The following CCDC42 variants were observed in gnomAD, a reference collection of about 807,000 sequenced individuals.
CCDC42 encodes the protein coiled-coil domain containing 42, also known as coiled-coil domain-containing protein 42.
Under a neutral mutation model 40.8 loss-of-function variants are expected in CCDC42, and 38 were observed. The ratio of observed to expected loss-of-function variants is 0.93; its 90% CI spans 0.72 to 1.22. The LOEUF (loss-of-function observed/expected upper bound fraction) is 1.22. Ranked by LOEUF, CCDC42 falls within the 50% of genes most tolerant of loss-of-function variation. The probability of loss-of-function intolerance (pLI) is 0.00; values close to 1 mark genes in which losing one functional copy is unlikely to be tolerated. For synonymous variants in CCDC42, 135 were observed against 157.5 expected, an observed-to-expected ratio of 0.86 and a Z score of 1.07; for missense variants, 379 against 416.5, an observed-to-expected ratio of 0.91 and a Z score of 0.78.
At chr17:8,742,382 T>C (rs2086650778) in intron 3 of CCDC42, among the ~76,000 whole-genome samples, 1 of 152,078 alleles carries the variant, frequency 6.6e-6, no homozygotes. Flanking sequence ...AGCATGCTCC[T>C]AGGAGCTCAG....
At chr17:8,739,965 A>C (rs919745794) in intron 4 of CCDC42, among the ~76,000 whole-genome samples, 1 of 152,172 alleles carries the variant, frequency 6.6e-6, no homozygotes, top group Non-Finnish European at 1.5e-5. Flanking sequence ...TGAGTGGAGG[A>C]AATAATGCAG....
rs370756344 is a variant in CCDC42, at chr17:8,735,050, C to T, written c.873+46G>A. ...CCACCCAACCAACTGGCAACCTCCT[C>T]GGCCCAGCCGACCCCACGGGCCCAG... On this transcript the variant is annotated intron_variant, in intron 6 of 6. Coordinates refer to ENST00000293845, the MANE Select transcript of CCDC42 (RefSeq NM_144681.3). The surrounding 1 kb of genome is among the most constrained non-coding windows in gnomAD (Gnocchi z 4.7). The T allele has an allele frequency of 2.3e-4, 364 of 1,607,322 alleles. No individual in the cohort carries two copies. The highest frequency in any genetic ancestry group is 2.8e-4 in the Non-Finnish European group (333 of 1,175,546).
intron 6 of CCDC42, among the ~76,000 whole-genome samples, chr17:8,733,622 C>T (rs941845387): frequency 1.5e-4 from 23 of 152,226 alleles, no homozygotes; most frequent in African/African-American, 5.5e-4. Flanking sequence ...TCCCGAGTAG[C>T]TGGGATTACA....
At chr17:8,731,499 C>G (rs1279499509) in intron 6 of CCDC42, among the ~76,000 whole-genome samples, 1 of 152,186 alleles carries the variant, frequency 6.6e-6, no homozygotes, top group African/African-American at 2.4e-5. Context: ...GAGAATCAAC[C>G]TAAATGCCCA....
Position 8,744,619 on chromosome 17 carries a change from G to A in CCDC42, c.-10C>T, listed in dbSNP as rs752469141. 6.2e-7 allele frequency: 1 copy of A among 1,603,510 alleles called. No individual in the cohort carries two copies. Among genetic ancestry groups the A allele is most frequent in the Non-Finnish European group, 8.5e-7 (1 of 1,172,716 alleles). ...TGATGCCCAGACTCATGGTGGCAGT[G>A]ACCTCACGGCCCAGGCAGCTGACTC... is the stretch of plus-strand genomic sequence containing the variant. On this transcript the variant is annotated 5_prime_UTR_variant, in exon 1 of 7. Coordinates refer to ENST00000293845, the MANE Select transcript of CCDC42 (RefSeq NM_144681.3).
At chr17:8,742,436 G>A (rs1266989084) in intron 3 of CCDC42, among the ~76,000 whole-genome samples, 1 of 152,166 alleles carries the variant, frequency 6.6e-6, no homozygotes, top group Non-Finnish European at 1.5e-5. Context: ...GCAGTTCAAT[G>A]CCCAGAGGAC....
rs2086646486 is a variant in CCDC42, at chr17:8,741,669, C to T, written c.297G>A (p.Glu99=). The stretch of plus-strand genomic sequence containing the variant: ...TGGCGCGGATCCGTTTCTGGTCGTT[C>T]TCCTGGGGCCCGGGGAGGTGGCGCT... The part of the protein sequence containing the change: ...HIQKSEQFIQ[E]NDQKRIRAMK... The change falls in exon 4 of 7, where the codon GAG becomes GAA. Residue 99 remains glutamate (E), a splice_region_variant and synonymous_variant. Transcript: ENST00000293845. The T allele has an allele frequency of 6.2e-7, 1 of 1,612,206 alleles. No individual in the cohort carries two copies. The highest frequency in any genetic ancestry group is 1.1e-5 in the South Asian group (1 of 90,990).
chr17:8,740,188 G>A (rs1175417689), intron 4 of CCDC42, among the ~76,000 whole-genome samples: 1 of 152,064 alleles, frequency 6.6e-6, no homozygotes, highest in Non-Finnish European at 1.5e-5. Flanking sequence ...TCCATGGGAG[G>A]CCCTGGACAT....
rs914777635 is a variant in CCDC42 at position 8,729,975 on chromosome 17, G to T, written c.*155C>A. 2.8e-5 allele frequency: 19 copies of T among 667,162 alleles called. No individual in the cohort carries two copies. Among genetic ancestry groups the T allele is most frequent in the Non-Finnish European group, 5.1e-5 (19 of 371,426 alleles). The allele number at this position is 667,162 out of a possible 1,614,324, so 41.3% of individuals were successfully genotyped here. On this transcript the variant is annotated 3_prime_UTR_variant, in exon 7 of 7. Transcript: ENST00000293845. ...TTCATATAACATTCACTGTTTTCAG[G>T]GATAGAGTGAGGCCCACGGGGGAAA...
intron 1 of CCDC42, 56 bp from the exon 2 acceptor site, chr17:8,744,240 G>A (rs1226491188): frequency 7.3e-7 from 1 of 1,366,458 alleles, no homozygotes; most frequent in East Asian, 2.3e-5. Flanking sequence ...GTAGGCTGGG[G>A]CTGGGAGTAA....
intron 6 of CCDC42, 128 bp from the exon 7 acceptor site, chr17:8,730,335 ATTT>A (rs2086572626): frequency 1.8e-5 from 11 of 607,144 alleles, no homozygotes; most frequent in Non-Finnish European, 3.1e-5. Context: ...TTCTTTTTAA[ATTT>A]TTATTTATTT....
intron 1 of CCDC42, 94 bp from the exon 2 acceptor site, chr17:8,744,278 G>A (rs761301499): frequency 7.5e-6 from 7 of 936,650 alleles, no homozygotes; most frequent in Non-Finnish European, 1.2e-5. Context: ...CCATGGGGAA[G>A]CAGAGGGGCC....
chr17:8,736,972 G>A (rs373300342), intron 4 of CCDC42, among the ~76,000 whole-genome samples: 10 of 130,240 alleles, frequency 7.7e-5, no homozygotes, highest in African/African-American at 2.9e-4. Flanking sequence ...AGAAGAAGAA[G>A]AAGAAAGAGA....
Position 8,735,998 on chromosome 17 carries a change from G to C in CCDC42, c.493-387C>G, listed in dbSNP as rs1196726376. Among the ~76,000 whole-genome samples the C allele has an allele frequency of 3.3e-5, 5 of 152,140 alleles. No homozygotes were observed. The highest frequency in any genetic ancestry group is 6.5e-5 in the Admixed American group (1 of 15,288). ...TGCAAAAGGTCCCCTGGTGGCTCTAGGCACAGCCAGGGTTGATAATCGCTG... is the reference window on the plus strand; with the variant it reads ...TGCAAAAGGTCCCCTGGTGGCTCTACGCACAGCCAGGGTTGATAATCGCTG... On this transcript the variant is annotated intron_variant, in intron 4 of 6. Transcript: ENST00000293845. This position sits in a 1 kb window ranked among gnomAD's most constrained non-coding sequence, Gnocchi z 4.7.
At chr17:8,734,100 A>T (rs775584092) in intron 6 of CCDC42, among the ~76,000 whole-genome samples, 9 of 152,196 alleles carry the variant, frequency 5.9e-5, no homozygotes, top group Non-Finnish European at 8.8e-5. Context: ...CATTAAAGGG[A>T]TCTGCAAGTG....
chr17:8,742,896 C>T (rs1260698893), intron 3 of CCDC42, among the ~76,000 whole-genome samples: 2 of 152,246 alleles, frequency 1.3e-5, no homozygotes, highest in African/African-American at 4.8e-5. Flanking sequence ...TCTGCCCCAA[C>T]CACTCCATAA....
At position 8,735,068 on chromosome 17, in the gene CCDC42, G is replaced by C. The variant is rs367907162; in HGVS notation, c.873+28C>G. 30 of 1,612,180 alleles carry C rather than the reference G, an allele frequency of 1.9e-5. No homozygotes were observed. In the African/African-American group the frequency reaches 4.0e-4, roughly 22 times the overall value. On this transcript the variant is annotated intron_variant, in intron 6 of 6. Coordinates refer to ENST00000293845, the MANE Select transcript of CCDC42 (RefSeq NM_144681.3). This position sits in a 1 kb window ranked among gnomAD's most constrained non-coding sequence, Gnocchi z 4.7. Reference sequence around the variant, plus strand: ...ACCTCCTCGGCCCAGCCGACCCCACGGGCCCAGTGCCTGTCCCCTCCTCCT... The same window carrying C: ...ACCTCCTCGGCCCAGCCGACCCCACCGGCCCAGTGCCTGTCCCCTCCTCCT...
rs2086668023 is a variant in CCDC42 at position 8,744,705 on chromosome 17, T to A, written c.-96A>T. The A allele has an allele frequency of 1.6e-5, 13 of 821,360 alleles. No individual in the cohort carries two copies. Among genetic ancestry groups the A allele is most frequent in the Non-Finnish European group, 2.7e-5 (13 of 482,780 alleles). The allele number at this position is 821,360 out of a possible 1,614,324, so 50.9% of individuals were successfully genotyped here. A position where few individuals can be genotyped will look rare whatever the true frequency, so the allele number is the denominator to read the frequency against. ...GGCTCAGGGGTGGTGGCTGCACTCT[T>A]GTTTCTCCCTTCGGCCTACAGGGTC... is the stretch of plus-strand genomic sequence containing the variant. On this transcript the variant is annotated 5_prime_UTR_variant, in exon 1 of 7. Transcript: ENST00000293845.
At chr17:8,733,355 G>T (rs905483203) in intron 6 of CCDC42, among the ~76,000 whole-genome samples, 31 of 152,158 alleles carry the variant, frequency 2.0e-4, no homozygotes, top group African/African-American at 7.0e-4. Context: ...AATAACTTTT[G>T]GGCAATCTGA....
Sources: gnomAD v4.1 joint callset for allele counts (sites outside exome capture counted in the v4.1 genomes callset) on GRCh38, gnomAD v4.1.1 for gene constraint, Gnocchi (gnomAD v3.1) non-coding constraint, MANE v1.5 for transcripts, NCBI Gene and HGNC (gene_info 2026-07-23, HGNC 2026-07-21) for gene names.